Variants in CDH13 observed in about 807,000 individuals in gnomAD.
CDH13 encodes cadherin-13.
In CDH13, 24 loss-of-function variants were observed where a neutral mutation model predicts 63.8. That is an observed-to-expected ratio of 0.38 (90% CI 0.27 to 0.53). CDH13 has a LOEUF of 0.53. CDH13 is among the 20% of genes least tolerant of loss of function. The pLI is 0.85. For missense variants in CDH13, 1,049 were observed against 903.1 expected (o/e 1.16, Z -2.07); for synonymous variants, 503 against 355.3 (o/e 1.42, Z -4.67).
chr16:82,945,951 A>C (rs571724254), intron 2 of CDH13, among the ~76,000 whole-genome samples: 95 of 151,204 alleles, frequency 6.3e-4, no homozygotes, highest in African/African-American at 2.2e-3. Context: ...TTCTTCTACG[A>C]CTCTTTGGAG....
At chr16:83,700,124 T>G (rs1905997030) in intron 10 of CDH13, among the ~76,000 whole-genome samples, 1 of 152,156 alleles carries the variant, frequency 6.6e-6, no homozygotes, top group African/African-American at 2.4e-5. Flanking sequence ...TGATCTGCCT[T>G]CTGTCATTGT....
intron 2 of CDH13, among the ~76,000 whole-genome samples, chr16:82,887,869 G>C (rs2040945875): frequency 6.6e-6 from 1 of 151,566 alleles, no homozygotes. Flanking sequence ...TTTTTTTCCA[G>C]CAGGTGAACC....
chr16:83,051,159 T>G (rs1269803758), intron 3 of CDH13, among the ~76,000 whole-genome samples: 1 of 152,218 alleles, frequency 6.6e-6, no homozygotes, highest in Non-Finnish European at 1.5e-5. Context: ...TCAAAGGCTG[T>G]CAGTCTTCCC....
At chr16:82,809,507 G>T (rs12919360) in intron 1 of CDH13, among the ~76,000 whole-genome samples, 1 of 152,050 alleles carries the variant, frequency 6.6e-6, no homozygotes, top group East Asian at 1.9e-4. Flanking sequence ...TTCTTTAAGC[G>T]TGTAAGTGAT....
At chr16:82,677,446 C>CTTTTTTTTTTT (rs3041877) in intron 1 of CDH13, among the ~76,000 whole-genome samples, 2 of 130,728 alleles carry the variant, frequency 1.5e-5, no homozygotes, top group Non-Finnish European at 1.6e-5. Flanking sequence ...ACTCTTCTGC[C>CTTTTTTTTTTT]TTTTTTTTTT....
intron 2 of CDH13, among the ~76,000 whole-genome samples, chr16:82,919,331 G>C (rs1479976132): frequency 6.6e-6 from 1 of 152,140 alleles, no homozygotes; most frequent in African/African-American, 2.4e-5. Context: ...GTATCCAATA[G>C]TTATTTTTTT....
chr16:83,200,844 A>G (rs564264554), intron 4 of CDH13, among the ~76,000 whole-genome samples: 60 of 152,252 alleles, frequency 3.9e-4, no homozygotes, highest in South Asian at 1.7e-3. Context: ...AGAGGAAGAG[A>G]GATATTCATC....
chr16:83,112,392 G>A (rs1381166444), intron 3 of CDH13, among the ~76,000 whole-genome samples: 3 of 152,322 alleles, frequency 2.0e-5, no homozygotes, highest in Non-Finnish European at 4.4e-5. Flanking sequence ...CAGAAAGACA[G>A]AGAGAAAAAG....
chr16:83,370,158 C>T lies in CDH13; in HGVS notation c.781+25152C>T, dbSNP rs112597213. The stretch of plus-strand genomic sequence containing the variant: ...ATCCCAGCACTTTGGAAGTCTGAGG[C>T]GGACGGATCGTGAAGTCAGGAGATT... On this transcript the variant is annotated intron_variant, in intron 6 of 13. Coordinates refer to ENST00000567109, the MANE Select transcript of CDH13 (RefSeq NM_001257.5). 4.6e-5 allele frequency among the ~76,000 whole-genome samples: 7 copies of T among 152,230 alleles called. 1 individual carries two copies. Among genetic ancestry groups the T allele is most frequent in the South Asian group, 2.1e-4 (1 of 4,816 alleles).
intron 6 of CDH13, among the ~76,000 whole-genome samples, chr16:83,437,922 T>C (rs2072360738): frequency 6.6e-6 from 1 of 152,154 alleles, no homozygotes; most frequent in African/African-American, 2.4e-5. Context: ...ACTCTCTTCC[T>C]TCTGCTTCCT....
rs1454821256 is a variant in CDH13, at chr16:83,800,010, G to A, written c.*4980G>A. ...TTGAGATACTCATCAAATTAAGTAA[G>A]CGGAAAAATTTCCTCTCTCTCATAC... On this transcript the variant is annotated 3_prime_UTR_variant, in exon 14 of 14. Transcript: ENST00000567109. 6.6e-6 allele frequency: 1 copy of A among 152,162 alleles called. No homozygotes were observed. Among genetic ancestry groups the A allele is most frequent in the African/African-American group, 2.4e-5 (1 of 41,426 alleles). The allele number at this position is 152,162 out of a possible 1,614,324, so 9.4% of individuals were successfully genotyped here. A position where few individuals can be genotyped will look rare whatever the true frequency, so the allele number is the denominator to read the frequency against.
At chr16:83,656,180 A>G (rs545282660) in intron 8 of CDH13, among the ~76,000 whole-genome samples, 14 of 152,286 alleles carry the variant, frequency 9.2e-5, no homozygotes, top group South Asian at 8.3e-4. Flanking sequence ...ATGGAATCAT[A>G]TAGTTTTTAA....
At chr16:83,441,764 A>G (rs770421136) in intron 6 of CDH13, among the ~76,000 whole-genome samples, 2 of 152,142 alleles carry the variant, frequency 1.3e-5, no homozygotes, top group Non-Finnish European at 2.9e-5. Flanking sequence ...TACCTGGTGG[A>G]GCCCTATGAG....
chr16:83,675,894 AATTC>A (rs1011681907), intron 9 of CDH13, among the ~76,000 whole-genome samples: 3 of 152,178 alleles, frequency 2.0e-5, no homozygotes, highest in South Asian at 2.1e-4. Flanking sequence ...AATTACAGTC[AATTC>A]ATTCATTCAT....
intron 7 of CDH13, among the ~76,000 whole-genome samples, chr16:83,550,037 G>C (rs764502894): frequency 6.6e-6 from 1 of 152,234 alleles, no homozygotes; most frequent in Non-Finnish European, 1.5e-5. Context: ...ATTAGCAGCA[G>C]CTGCTCAAAA....
chr16:83,630,352 C>T (rs140765936), intron 8 of CDH13, among the ~76,000 whole-genome samples: 2 of 152,336 alleles, frequency 1.3e-5, no homozygotes, highest in African/African-American at 4.8e-5. Context: ...ACCCATAACG[C>T]AGCCTCAGGA....
At chr16:82,754,364 T>A (rs1196210812) in intron 1 of CDH13, among the ~76,000 whole-genome samples, 1 of 152,170 alleles carries the variant, frequency 6.6e-6, no homozygotes, top group Non-Finnish European at 1.5e-5. Flanking sequence ...ACCGAATGAA[T>A]GCCACCAGGG....
chr16:83,246,817 A>G (rs756560609), intron 5 of CDH13, among the ~76,000 whole-genome samples: 1 of 152,154 alleles, frequency 6.6e-6, no homozygotes, highest in Non-Finnish European at 1.5e-5. Context: ...CAGTTGGGAC[A>G]TTGCCGTCTG....
intron 8 of CDH13, among the ~76,000 whole-genome samples, chr16:83,650,196 G>A (rs941200715): frequency 4.0e-5 from 6 of 151,812 alleles, no homozygotes; most frequent in South Asian, 2.1e-4. Context: ...TTATTGAAAA[G>A]CAGCAGGAAG....
Sources: gnomAD v4.1 joint callset for allele counts (sites outside exome capture counted in the v4.1 genomes callset) on GRCh38, gnomAD v4.1.1 for gene constraint, MANE v1.5 for transcripts, NCBI Gene and HGNC (gene_info 2026-07-23, HGNC 2026-07-21) for gene names.